DSCAML1: variants seen among roughly 807,000 people sequenced by gnomAD.
The protein encoded by DSCAML1 is DS cell adhesion molecule like 1.
A neutral mutation model predicts 200.5 loss-of-function variants in DSCAML1; 38 were observed. The observed-to-expected ratio is 0.19, with a 90% CI of 0.15 to 0.25. The LOEUF (loss-of-function observed/expected upper bound fraction) is 0.25. Ranked by LOEUF, DSCAML1 falls within the 10% of genes least tolerant of loss-of-function variation. The pLI is 1.00. For missense variants in DSCAML1, 2,223 were observed against 2,858.8 expected, an observed-to-expected ratio of 0.78 and a Z score of 5.07; for synonymous variants, 1,215 against 1,165.0, an observed-to-expected ratio of 1.04 and a Z score of -0.87.
Position 117,505,834 on chromosome 11 carries a change from A to C in DSCAML1, c.1784-102T>G. The stretch of plus-strand genomic sequence containing the variant: ...ACCTGGGGCTCTGGGTTGGGCCTTG[A>C]ACAAAGATCCCCTGGGGCACTGCAG... On this transcript the variant is annotated intron_variant, in intron 8 of 32. Transcript: ENST00000651296. This position sits in a 1 kb window ranked among gnomAD's most constrained non-coding sequence, Gnocchi z 6.7. 1 of 1,397,568 alleles carries C rather than the reference A, an allele frequency of 7.2e-7. No homozygotes were observed. The highest frequency in any genetic ancestry group is 1.4e-5 in the African/African-American group (1 of 69,778). The allele number at this position is 1,397,568 out of a possible 1,614,324, so 86.6% of individuals were successfully genotyped here.
chr11:117,626,143 G>A (rs1413163638), intron 3 of DSCAML1, among the ~76,000 whole-genome samples: 1 of 151,958 alleles, frequency 6.6e-6, no homozygotes, highest in Non-Finnish European at 1.5e-5. Context: ...AGAGCTCCAG[G>A]CCAGAGATTA....
intron 11 of DSCAML1, among the ~76,000 whole-genome samples, chr11:117,499,333 C>T (rs570811703): frequency 1.6e-4 from 24 of 152,150 alleles, no homozygotes; most frequent in African/African-American, 5.3e-4. Flanking sequence ...AAAGACTACC[C>T]GTGCTGCTAC....
chr11:117,733,576 C>A (rs1282851788), intron 3 of DSCAML1, among the ~76,000 whole-genome samples: 4 of 152,168 alleles, frequency 2.6e-5, no homozygotes, highest in Admixed American at 2.0e-4. Flanking sequence ...GTCAGGCCTG[C>A]GGTCCCTCGA....
At chr11:117,738,997 C>A (rs976065953) in intron 3 of DSCAML1, among the ~76,000 whole-genome samples, 1 of 152,190 alleles carries the variant, frequency 6.6e-6, no homozygotes, top group African/African-American at 2.4e-5. Flanking sequence ...GAAGAAATTA[C>A]CAGCTTCAAA....
chr11:117,486,322 A>G (rs187698990), intron 11 of DSCAML1, among the ~76,000 whole-genome samples: 1,469 of 133,964 alleles, frequency 0.011, 27 homozygotes, highest in African/African-American at 0.034. Context: ...ATGTGAAAGT[A>G]GCGGATGTGA....
rs766977669 is a variant in DSCAML1, at chr11:117,464,929, CT to C, written c.3265+12del. 17 of 1,612,110 alleles carry C rather than the reference CT, an allele frequency of 1.1e-5. No individual in the cohort carries two copies. In the South Asian group the frequency reaches 1.9e-4, roughly 18 times the overall value. On this transcript the variant is annotated intron_variant, in intron 17 of 32. Transcript: ENST00000651296. ...AGGAATCTGTGCCCACTCCCTTCTG[CT>C]GGGGCCCTCACCATCCTCCAGAGTG... is the stretch of plus-strand genomic sequence containing the variant.
At chr11:117,442,940 A>G (rs571957968) in intron 21 of DSCAML1, among the ~76,000 whole-genome samples, 3 of 152,308 alleles carry the variant, frequency 2.0e-5, no homozygotes, top group Non-Finnish European at 4.4e-5. Context: ...CTGGCAGGGC[A>G]GGTGGAAGCC....
At chr11:117,723,581 C>T (rs956764773) in intron 3 of DSCAML1, among the ~76,000 whole-genome samples, 3 of 152,194 alleles carry the variant, frequency 2.0e-5, no homozygotes, top group African/African-American at 7.2e-5. Context: ...TGGTGATTGC[C>T]CCTTACTTCC....
rs142094744 is a variant in DSCAML1, at chr11:117,528,289, C to T, written c.659-3206G>A. Among the ~76,000 whole-genome samples the T allele has an allele frequency of 1.9e-3, 275 of 146,824 alleles. 1 individual carries two copies. The highest frequency in any genetic ancestry group is 5.1e-3 in the African/African-American group (203 of 40,174). ...CGTGGCACACTGCAGAATTTACAAG[C>T]GGAGGGGCCATCAGGGTGGTGGAGG... On this transcript the variant is annotated intron_variant, in intron 4 of 32. Transcript: ENST00000651296.
intron 3 of DSCAML1, among the ~76,000 whole-genome samples, chr11:117,670,554 T>G (rs2053083266): frequency 6.6e-6 from 1 of 152,052 alleles, no homozygotes; most frequent in African/African-American, 2.4e-5. Context: ...CAGACTCAGA[T>G]TCAAACTGCC....
chr11:117,754,130 G>C (rs1050206706), intron 3 of DSCAML1, among the ~76,000 whole-genome samples: 1 of 152,140 alleles, frequency 6.6e-6, no homozygotes, highest in Admixed American at 6.6e-5. Flanking sequence ...GAATGGGGAG[G>C]GGGGTAGAAA....
intron 8 of DSCAML1, among the ~76,000 whole-genome samples, chr11:117,515,479 C>T (rs1398361953): frequency 6.6e-6 from 1 of 152,172 alleles, no homozygotes; most frequent in Non-Finnish European, 1.5e-5. Context: ...CATTGACTCA[C>T]ATGCTCATGT....
intron 3 of DSCAML1, among the ~76,000 whole-genome samples, chr11:117,703,552 T>C (rs546825215): frequency 3.3e-5 from 5 of 152,324 alleles, no homozygotes; most frequent in African/African-American, 9.6e-5. Context: ...AAATGAATTT[T>C]AGGCCCATTA....
At chr11:117,750,010 G>T (rs1463155159) in intron 3 of DSCAML1, among the ~76,000 whole-genome samples, 2 of 152,248 alleles carry the variant, frequency 1.3e-5, no homozygotes, top group Admixed American at 1.3e-4. Context: ...TGATCTGGGT[G>T]ATGAAAGGCA....
intron 3 of DSCAML1, among the ~76,000 whole-genome samples, chr11:117,633,027 A>G (rs576444042): frequency 6.6e-6 from 1 of 152,288 alleles, no homozygotes; most frequent in African/African-American, 2.4e-5. Flanking sequence ...GGCAGGCTGT[A>G]AGTATCCTTT....
intron 2 of DSCAML1, among the ~76,000 whole-genome samples, chr11:117,779,751 G>T (rs1013425622): frequency 6.6e-6 from 1 of 152,152 alleles, no homozygotes; most frequent in African/African-American, 2.4e-5. Context: ...TCAGAATAGT[G>T]GTGGCTCTTA....
intron 11 of DSCAML1, among the ~76,000 whole-genome samples, chr11:117,486,212 A>G (rs550495901): frequency 1.0e-3 from 152 of 152,278 alleles, no homozygotes; most frequent in African/African-American, 3.3e-3. Flanking sequence ...CTGAACTCCC[A>G]AAATGGCGGA....
intron 3 of DSCAML1, among the ~76,000 whole-genome samples, chr11:117,740,064 C>G (rs953730018): frequency 2.0e-5 from 3 of 152,116 alleles, no homozygotes; most frequent in African/African-American, 7.2e-5. Context: ...TTCCAACAAC[C>G]AGATGTAGGC....
chr11:117,605,355 C>T (rs2051544377), intron 3 of DSCAML1, among the ~76,000 whole-genome samples: 1 of 152,180 alleles, frequency 6.6e-6, no homozygotes, highest in Non-Finnish European at 1.5e-5. Context: ...CCAGCCTCCC[C>T]ATCCTAAAAT....
Sources: gnomAD v4.1 joint callset for allele counts (sites outside exome capture counted in the v4.1 genomes callset) on GRCh38, gnomAD v4.1.1 for gene constraint, Gnocchi (gnomAD v3.1) non-coding constraint, MANE v1.5 for transcripts, NCBI Gene and HGNC (gene_info 2026-07-23, HGNC 2026-07-21) for gene names.